Variants in ITGA2 observed in about 807,000 individuals in gnomAD.
The protein encoded by ITGA2 is integrin alpha-2.
In ITGA2, 101 loss-of-function variants were observed where a neutral mutation model predicts 146.3. The ratio of observed to expected loss-of-function variants is 0.69; its 90% CI spans 0.59 to 0.81. The LOEUF (loss-of-function observed/expected upper bound fraction) is 0.81, where lower values mean the gene tolerates loss of function less well. ITGA2 is among the 40% of genes least tolerant of loss of function. The probability of loss-of-function intolerance (pLI) is 0.00; values close to 1 mark genes in which losing one functional copy is unlikely to be tolerated. For missense variants in ITGA2, 1,281 were observed against 1,402.7 expected, an observed-to-expected ratio of 0.91 and a Z score of 1.39; for synonymous variants, 477 against 487.1, an observed-to-expected ratio of 0.98 and a Z score of 0.27.
At chr5:52,995,248 C>G (rs1741177844) in intron 1 of ITGA2, among the ~76,000 whole-genome samples, 1 of 152,100 alleles carries the variant, frequency 6.6e-6, no homozygotes, top group Admixed American at 6.6e-5. Flanking sequence ...GTAGAAAGGT[C>G]TTGAAGGGCC....
At chr5:53,057,676 A>T (rs2111950191) in intron 9 of ITGA2, among the ~76,000 whole-genome samples, 1 of 152,102 alleles carries the variant, frequency 6.6e-6, no homozygotes. Flanking sequence ...TCAAGTTTTT[A>T]AAAAATTATC....
At chr5:53,056,241 A>G (rs1282307166) in intron 9 of ITGA2, 92 bp downstream of exon 9, 23 of 1,103,736 alleles carry the variant, frequency 2.1e-5, no homozygotes, top group African/African-American at 3.2e-5. Flanking sequence ...GTTAACTTGT[A>G]TACCATGTAT....
At chr5:53,063,906 A>T (rs1241928431) in intron 13 of ITGA2, among the ~76,000 whole-genome samples, 2 of 151,876 alleles carry the variant, frequency 1.3e-5, no homozygotes, top group Non-Finnish European at 2.9e-5. Context: ...AAATGAACAG[A>T]TCTTTTAATA....
chr5:53,022,899 C>T (rs1316339230), intron 1 of ITGA2, among the ~76,000 whole-genome samples: 8 of 152,152 alleles, frequency 5.3e-5, no homozygotes, highest in Non-Finnish European at 1.2e-4. Context: ...AAAATGGCAA[C>T]CAGCCTGTTA....
Position 53,058,025 on chromosome 5 carries a change from G to T in ITGA2, c.1097G>T (p.Gly366Val). ...TLGEQIFSIEGTVQGGDNFQM... is the reference protein window; with the variant it reads ...TLGEQIFSIEVTVQGGDNFQM... The stretch of plus-strand genomic sequence containing the variant: ...CAATTTTTAAAATTGAATGTTCCAG[G>T]TACTGTTCAAGGAGGAGACAACTTT... The change falls in exon 10 of 30, where the codon GGT (glycine) becomes GTT (valine). Residue 366 changes from glycine (G) to valine (V), a missense_variant and splice_region_variant. Around this residue, in one of 3 missense-constraint regions of ITGA2, gnomAD observed 795 missense variants for 841.7 expected, o/e 0.94. Coordinates refer to ENST00000296585, the MANE Select transcript of ITGA2 (RefSeq NM_002203.4). The T allele has an allele frequency of 1.2e-6, 2 of 1,607,838 alleles. No individual in the cohort carries two copies. The highest frequency in any genetic ancestry group is 1.1e-5 in the South Asian group (1 of 90,972).
At chr5:53,083,032 TTAGAAA>T (rs762020695) in intron 26 of ITGA2, among the ~76,000 whole-genome samples, 8 of 152,170 alleles carry the variant, frequency 5.3e-5, no homozygotes, top group Non-Finnish European at 7.3e-5. Context: ...TTTTTTACTC[TTAGAAA>T]TAGTAGTGCA....
At chr5:53,038,532 C>A (rs1743613820) in intron 2 of ITGA2, among the ~76,000 whole-genome samples, 1 of 152,134 alleles carries the variant, frequency 6.6e-6, no homozygotes, top group Non-Finnish European at 1.5e-5. Flanking sequence ...GCCACACACC[C>A]CTTCACATAA....
At chr5:53,036,689 G>C (rs1430119700) in intron 2 of ITGA2, among the ~76,000 whole-genome samples, 1 of 152,060 alleles carries the variant, frequency 6.6e-6, no homozygotes, top group Admixed American at 6.6e-5. Flanking sequence ...CCACTATATG[G>C]TTTACTTACT....
At chr5:53,070,971 T>C (rs924759345) in intron 17 of ITGA2, among the ~76,000 whole-genome samples, 6 of 151,924 alleles carry the variant, frequency 3.9e-5, no homozygotes, top group Non-Finnish European at 7.4e-5. Flanking sequence ...AGGGAAACTT[T>C]TGGGAAATGT....
Position 53,045,035 on chromosome 5 carries a change from A to G in ITGA2, c.330A>G (p.Lys110=). The G allele has an allele frequency of 6.2e-7, 1 of 1,613,968 alleles. No individual in the cohort carries two copies. Among genetic ancestry groups the G allele is most frequent in the South Asian group, 1.1e-5 (1 of 91,078 alleles). ...STSIPNVTEM[K]TNMSLGLILT... ...GCATTCCAAATGTTACTGAGATGAAAACCAACATGAGCCTCGGCTTGATCC... is the reference window on the plus strand; with the variant it reads ...GCATTCCAAATGTTACTGAGATGAAGACCAACATGAGCCTCGGCTTGATCC... The change falls in exon 4 of 30, where the codon AAA becomes AAG. Residue 110 remains lysine (K), a synonymous_variant. Coordinates refer to ENST00000296585, the MANE Select transcript of ITGA2 (RefSeq NM_002203.4).
intron 1 of ITGA2, among the ~76,000 whole-genome samples, chr5:52,996,360 G>A (rs1014449568): frequency 2.6e-5 from 4 of 152,146 alleles, no homozygotes; most frequent in African/African-American, 9.7e-5. Flanking sequence ...CTATACAAAG[G>A]ATATTATCAG....
At chr5:53,090,454 G>T in intron 29 of ITGA2, 65 bp from the exon 30 acceptor site, 3 of 1,392,940 alleles carry the variant, frequency 2.2e-6, no homozygotes, top group Non-Finnish European at 3.1e-6. Flanking sequence ...GGCAGCCAAG[G>T]GGGTCAGAGG....
At chr5:53,078,535 C>T (rs956174946) in intron 23 of ITGA2, among the ~76,000 whole-genome samples, 3 of 152,126 alleles carry the variant, frequency 2.0e-5, no homozygotes, top group Non-Finnish European at 2.9e-5. Context: ...ATGTAATGCA[C>T]AAACTCTTAG....
At chr5:53,031,139 T>G (rs1301714422) in intron 2 of ITGA2, among the ~76,000 whole-genome samples, 1 of 152,272 alleles carries the variant, frequency 6.6e-6, no homozygotes, top group Admixed American at 6.5e-5. Flanking sequence ...TTATGACAGT[T>G]GCATAGGCAT....
At chr5:53,084,244 A>G (rs769120335) in intron 27 of ITGA2, among the ~76,000 whole-genome samples, 2 of 152,134 alleles carry the variant, frequency 1.3e-5, no homozygotes, top group African/African-American at 4.8e-5. Context: ...AGGAAGAAAA[A>G]CAGAAATTAG....
intron 1 of ITGA2, among the ~76,000 whole-genome samples, chr5:52,993,018 C>T (rs1306008338): frequency 6.6e-6 from 1 of 152,200 alleles, no homozygotes; most frequent in East Asian, 1.9e-4. Flanking sequence ...TTTCCAAATA[C>T]TCCCTTTGCC....
At chr5:53,007,769 T>G (rs1741930807) in intron 1 of ITGA2, among the ~76,000 whole-genome samples, 1 of 152,118 alleles carries the variant, frequency 6.6e-6, no homozygotes, top group South Asian at 2.1e-4. Context: ...TAAATGGACA[T>G]TAGAGGCAAT....
chr5:53,055,435 T>G, intron 7 of ITGA2, 103 bp from the exon 8 acceptor site: 1 of 969,498 alleles, frequency 1.0e-6, no homozygotes, highest in Non-Finnish European at 1.6e-6. Flanking sequence ...TACAATAGAT[T>G]GTGTTTAAAG....
chr5:53,075,394 C>A, intron 23 of ITGA2, 90 bp downstream of exon 23: 1 of 949,916 alleles, frequency 1.1e-6, no homozygotes, highest in South Asian at 1.3e-5. Flanking sequence ...CCTCTGTATG[C>A]TCATTCTTAA....
Sources: allele counts gnomAD v4.1 joint callset (sites outside exome capture counted in the v4.1 genomes callset), GRCh38; gene constraint gnomAD v4.1.1; regional missense constraint gnomAD v4.1.1; transcripts MANE v1.5; gene names NCBI Gene and HGNC (gene_info 2026-07-23, HGNC 2026-07-21).